Variants in GLDC observed in about 807,000 individuals in gnomAD.
GLDC encodes the protein glycine dehydrogenase (decarboxylating), mitochondrial.
Under a neutral mutation model 121.3 loss-of-function variants are expected in GLDC, and 104 were observed. The observed-to-expected ratio is 0.86, with a 90% CI of 0.73 to 1.01. The LOEUF is 1.01. Ranked by LOEUF, GLDC falls within the 50% of genes least tolerant of loss-of-function variation. GLDC has a pLI of 0.00. For missense variants in GLDC, 1,429 were observed against 1,306.6 expected (o/e 1.09, Z -1.44); for synonymous variants, 546 against 480.6 (o/e 1.14, Z -1.78).
chr9:6,613,628 T>C (rs1156933688), intron 3 of GLDC, among the ~76,000 whole-genome samples: 2 of 152,248 alleles, frequency 1.3e-5, no homozygotes, highest in East Asian at 3.8e-4. Context: ...TTTCTTCAGG[T>C]AAATCTTGAT....
intron 6 of GLDC, 97 bp downstream of exon 6, chr9:6,605,034 G>T: frequency 8.2e-7 from 1 of 1,221,286 alleles, no homozygotes; most frequent in Non-Finnish European, 1.2e-6. Context: ...TAATGGTAAA[G>T]AAATTAAGGC....
intron 20 of GLDC, among the ~76,000 whole-genome samples, chr9:6,552,154 T>C (rs1817529054): frequency 6.6e-6 from 1 of 152,096 alleles, no homozygotes. Context: ...CAGCTAAAGC[T>C]AGAGTCCAGG....
chr9:6,578,976 ATC>A lies in GLDC; in HGVS notation c.1850+8163_1850+8164del, dbSNP rs531782558. On this transcript the variant is annotated intron_variant, in intron 15 of 24. Transcript: ENST00000321612. ...CACTCCATGTGATCAGCCTCTGTTA[ATC>A]TGTTTTCAACATGCCCTTATGTTCC... 4.5e-3 allele frequency among the ~76,000 whole-genome samples: 692 copies of A among 152,224 alleles called. 8 individuals are homozygous for A. Among genetic ancestry groups the A allele is most frequent in the African/African-American group, 0.015 (637 of 41,524 alleles).
rs373618804 is a variant in GLDC at position 6,553,508 on chromosome 9, T to A, written c.2317A>T (p.Lys773Ter). ...GGPGMGPIGV[K>*]KHLAPFLPNH... is the part of the protein sequence containing the mutation. ...GGCAAAAACGGGGCGAGATGTTTCT[T>A]CCTGTATTTTTTTTAAGTGCAAATT... The change falls in exon 20 of 25, where the codon AAG (lysine) becomes TAG (stop). Residue 773 changes from lysine to a stop codon, truncating the protein, a stop_gained and splice_region_variant. Transcript: ENST00000321612. LOFTEE classifies it high-confidence loss of function. The A allele has an allele frequency of 2.5e-6, 4 of 1,602,294 alleles. No homozygotes were observed. The highest frequency in any genetic ancestry group is 3.4e-6 in the Non-Finnish European group (4 of 1,173,378).
chr9:6,625,758 TG>T (rs1430907815), intron 2 of GLDC, among the ~76,000 whole-genome samples: 1 of 152,100 alleles, frequency 6.6e-6, no homozygotes, highest in Non-Finnish European at 1.5e-5. Context: ...TAGCCCTAGC[TG>T]TTATGTTCAT....
At chr9:6,534,012 A>C (rs1277122624) in intron 24 of GLDC, 1 of 152,310 alleles carries the variant, frequency 6.6e-6, no homozygotes, top group African/African-American at 2.4e-5. Context: ...GGAGATCAAG[A>C]CCTTCCTGGC....
chr9:6,643,680 T>A (rs985004733), intron 2 of GLDC, among the ~76,000 whole-genome samples: 2 of 151,750 alleles, frequency 1.3e-5, no homozygotes, highest in East Asian at 3.9e-4. Context: ...TCTAAGAAAG[T>A]CTATGACTAA....
Position 6,589,228 on chromosome 9 carries a change from G to A in GLDC, c.1547C>T (p.Thr516Ile). Reference protein sequence around the residue: ...RGIPGSVFKRTSPFLTHQVFN... With the variant: ...RGIPGSVFKRISPFLTHQVFN... Reference sequence around the variant, plus strand: ...CACTTGATGGGTGAGGAACGGGCTGGTCCTCTTGAACACAGACCCTGGAAT... The same window carrying A: ...CACTTGATGGGTGAGGAACGGGCTGATCCTCTTGAACACAGACCCTGGAAT... The change falls in exon 12 of 25, where the codon ACC becomes ATC. Residue 516 changes from threonine to isoleucine, a missense_variant. Coordinates refer to ENST00000321612, the MANE Select transcript of GLDC (RefSeq NM_000170.3). 6.2e-7 allele frequency: 1 copy of A among 1,608,334 alleles called. No individual in the cohort carries two copies. Among genetic ancestry groups the A allele is most frequent in the Non-Finnish European group, 8.5e-7 (1 of 1,174,830 alleles).
rs1817555935 is a variant in GLDC, at chr9:6,553,424, T to C, written c.2401A>G (p.Ser801Gly). ...GAACTGGAGCCCCATGGGGCCGCAC[T>C]GACGGTTCCCACAGGACAGGCATCC... Reference protein sequence around the residue: ...NEDACPVGTVSAAPWGSSSIL... With the variant: ...NEDACPVGTVGAAPWGSSSIL... Residue 801 changes from serine (S) to glycine (G), a missense_variant, in exon 20 of 25, where the codon AGT becomes GGT. Transcript: ENST00000321612. 6.2e-7 allele frequency: 1 copy of C among 1,613,596 alleles called. No individual in the cohort carries two copies. The highest frequency in any genetic ancestry group is 8.5e-7 in the Non-Finnish European group (1 of 1,179,670).
chr9:6,597,515 G>A (rs1020094364), intron 8 of GLDC, among the ~76,000 whole-genome samples: 1 of 152,168 alleles, frequency 6.6e-6, no homozygotes, highest in Middle Eastern at 3.2e-3. Flanking sequence ...AGGATCGCTT[G>A]AGGCCTGGAG....
chr9:6,535,203 T>G (rs1339147193), intron 23 of GLDC, among the ~76,000 whole-genome samples: 1 of 152,160 alleles, frequency 6.6e-6, no homozygotes, highest in Non-Finnish European at 1.5e-5. Context: ...AAATCTGATA[T>G]CATCATATGA....
rs374342418 is a variant in GLDC, at chr9:6,645,334, G to A, written c.166C>T (p.Leu56Phe). Residue 56 changes from leucine (L) to phenylalanine (F), a missense_variant, in exon 1 of 25, where the codon CTT becomes TTT. Coordinates refer to ENST00000321612, the MANE Select transcript of GLDC (RefSeq NM_000170.3). Reference sequence around the variant, plus strand: ...GCGAAGTCGTCGTGTCTGGGCAGAAGGCGCTCCAGGAGGCGCGAGGCCCCA... The same window carrying A: ...GCGAAGTCGTCGTGTCTGGGCAGAAAGCGCTCCAGGAGGCGCGAGGCCCCA... ...AAGASRLLER[L>F]LPRHDDFARR... 106 of 1,566,264 alleles carry A rather than the reference G, an allele frequency of 6.8e-5. No homozygotes were observed. In the African/African-American group the frequency reaches 1.3e-3, roughly 19 times the overall value.
intron 4 of GLDC, among the ~76,000 whole-genome samples, chr9:6,608,113 C>A (rs568653785): frequency 6.6e-6 from 1 of 151,370 alleles, no homozygotes; most frequent in African/African-American, 2.4e-5. Flanking sequence ...TCAAACCCTG[C>A]CTCAAAAAAA....
Position 6,554,794 on chromosome 9 carries a change from C to T in GLDC, c.2203-13G>A. The T allele has an allele frequency of 6.2e-7, 1 of 1,601,236 alleles. No individual in the cohort carries two copies. The highest frequency in any genetic ancestry group is 1.1e-5 in the South Asian group (1 of 89,422). Reference sequence around the variant, plus strand: ...GACAGATTCCCACCTACCACAAAGGCAAGGGCCAAAAGCAAAAGTCAAGAG... The same window carrying T: ...GACAGATTCCCACCTACCACAAAGGTAAGGGCCAAAAGCAAAAGTCAAGAG... On this transcript the variant is annotated splice_polypyrimidine_tract_variant and intron_variant, in intron 18 of 24. Transcript: ENST00000321612.
intron 18 of GLDC, among the ~76,000 whole-genome samples, chr9:6,555,424 A>G (rs1406415295): frequency 6.6e-6 from 1 of 152,092 alleles, no homozygotes; most frequent in Non-Finnish European, 1.5e-5. Flanking sequence ...CAATCTCTGG[A>G]TTACACTTGT....
At chr9:6,622,212 C>G (rs1489629532) in intron 2 of GLDC, among the ~76,000 whole-genome samples, 1 of 150,226 alleles carries the variant, frequency 6.7e-6, no homozygotes, top group East Asian at 2.0e-4. Context: ...ACATGCTTTC[C>G]CAGGAAATAA....
At chr9:6,643,638 C>T (rs1011364600) in intron 2 of GLDC, among the ~76,000 whole-genome samples, 1 of 151,634 alleles carries the variant, frequency 6.6e-6, no homozygotes, top group African/African-American at 2.4e-5. Flanking sequence ...CAATCTTGGA[C>T]CATTAAAAAT....
chr9:6,545,406 C>A (rs1817367215), intron 21 of GLDC, among the ~76,000 whole-genome samples: 1 of 151,956 alleles, frequency 6.6e-6, no homozygotes, highest in South Asian at 2.1e-4. Context: ...AAAGACAGAG[C>A]AAAAATACGA....
intron 1 of GLDC, 125 bp from the exon 2 acceptor site, chr9:6,644,817 A>C (rs1020748405): frequency 5.5e-6 from 4 of 727,552 alleles, no homozygotes; most frequent in African/African-American, 3.5e-5. Context: ...TTTTTAAAAG[A>C]AAAGGAAAAC....
Sources: gnomAD v4.1 joint callset for allele counts (sites outside exome capture counted in the v4.1 genomes callset) on GRCh38, gnomAD v4.1.1 for gene constraint, MANE v1.5 for transcripts, NCBI Gene and HGNC (gene_info 2026-07-23, HGNC 2026-07-21) for gene names.